Variants in MAP2K1 observed in about 807,000 individuals in gnomAD.
MAP2K1 encodes dual specificity mitogen-activated protein kinase kinase 1.
A neutral mutation model predicts 46.3 loss-of-function variants in MAP2K1; 16 were observed. The ratio of observed to expected loss-of-function variants is 0.35; its 90% CI spans 0.23 to 0.52. MAP2K1 has a LOEUF of 0.52. MAP2K1 is among the 20% of genes least tolerant of loss of function. MAP2K1 has a pLI of 0.94. For synonymous variants in MAP2K1, 183 were observed against 185.6 expected (o/e 0.99, Z 0.11); for missense variants, 263 against 497.1 (o/e 0.53, Z 4.48).
chr15:66,472,176 T>C (rs1892651630), intron 5 of MAP2K1, among the ~76,000 whole-genome samples: 1 of 151,120 alleles, frequency 6.6e-6, no homozygotes, highest in African/African-American at 2.4e-5. Context: ...TGGTGGTGGG[T>C]GCCTGTAGTC....
intron 1 of MAP2K1, among the ~76,000 whole-genome samples, chr15:66,413,001 T>G (rs1300589029): frequency 6.6e-6 from 1 of 152,156 alleles, no homozygotes; most frequent in African/African-American, 2.4e-5. Context: ...GTTCAAGCAA[T>G]TCTCGTGCCT....
chr15:66,478,300 C>T (rs979426310), intron 5 of MAP2K1, among the ~76,000 whole-genome samples: 1 of 141,578 alleles, frequency 7.1e-6, no homozygotes, highest in Non-Finnish European at 1.5e-5. Context: ...CTATATATAC[C>T]TGTATATATA....
chr15:66,482,243 CTT>C (rs1348516668), intron 6 of MAP2K1, among the ~76,000 whole-genome samples: 1 of 152,150 alleles, frequency 6.6e-6, no homozygotes, highest in Non-Finnish European at 1.5e-5. Context: ...ACTACCTCAC[CTT>C]CTCCTTTTCT....
chr15:66,423,076 C>G (rs531484304), intron 1 of MAP2K1, among the ~76,000 whole-genome samples: 1 of 152,140 alleles, frequency 6.6e-6, no homozygotes, highest in African/African-American at 2.4e-5. Context: ...ATTGGTATTA[C>G]AAGCATGAGC....
In MAP2K1 at chr15:66,436,731, TC is replaced by T. The variant is rs763136654; in HGVS notation, c.292-13del. 1.4e-5 allele frequency: 22 copies of T among 1,613,706 alleles called. No individual in the cohort carries two copies. The East Asian group carries it at 4.7e-4, about 34-fold the overall frequency. ...TTTCTTTCATAAAACCTCTCTTTCT[TC>T]CACCTTTCTCCAGCTAATTCATCTG... On this transcript the variant is annotated splice_polypyrimidine_tract_variant and intron_variant, in intron 2 of 10. Coordinates refer to ENST00000307102, the MANE Select transcript of MAP2K1 (RefSeq NM_002755.4).
chr15:66,445,322 G>A (rs868528657), intron 5 of MAP2K1, among the ~76,000 whole-genome samples: 1 of 152,136 alleles, frequency 6.6e-6, no homozygotes, highest in South Asian at 2.1e-4. Context: ...AACCTGGGAG[G>A]CGGAGGCTGT....
intron 1 of MAP2K1, among the ~76,000 whole-genome samples, chr15:66,422,956 G>GT (rs889964170): frequency 6.6e-6 from 1 of 150,998 alleles, no homozygotes; most frequent in Non-Finnish European, 1.5e-5. Flanking sequence ...TTTCTTTTTT[G>GT]TTTTTTTGTT....
chr15:66,411,585 A>G lies in MAP2K1; in HGVS notation c.81-23442A>G, dbSNP rs1334405397. On this transcript the variant is annotated intron_variant, in intron 1 of 10. Coordinates refer to ENST00000307102, the MANE Select transcript of MAP2K1 (RefSeq NM_002755.4). Reference sequence around the variant, plus strand: ...GAATGCCAATAATATTGGTTTTGCTATTGTCTTTTCCCTGCAGCTAATAAC... The same window carrying G: ...GAATGCCAATAATATTGGTTTTGCTGTTGTCTTTTCCCTGCAGCTAATAAC... Among the ~76,000 whole-genome samples the G allele has an allele frequency of 4.6e-5, 7 of 152,250 alleles. No homozygotes were observed. The East Asian group carries it at 9.6e-4, about 21-fold the overall frequency.
Position 66,420,827 on chromosome 15 carries a change from A to ATGTGTATATATATATGTGTATATATATG in MAP2K1, c.81-14187_81-14186insATGTGTATATATATGTGTGTATATATAT, listed in dbSNP as rs2093438475. Among the ~76,000 whole-genome samples the ATGTGTATATATATATGTGTATATATATG allele has an allele frequency of 2.8e-5, 2 of 70,288 alleles. 1 individual carries two copies. Among genetic ancestry groups the ATGTGTATATATATATGTGTATATATATG allele is most frequent in the African/African-American group, 7.7e-5 (2 of 26,062 alleles). 46.1% of individuals were successfully genotyped at this position (70,288 alleles called of 152,430 possible). ...TGTGTATATATATGTGTATATATAT[A>ATGTGTATATATATATGTGTATATATATG]TGTGTATATATATGTGTGTATATAT... On this transcript the variant is annotated intron_variant, in intron 1 of 10. Transcript: ENST00000307102.
At chr15:66,489,075 GA>G in intron 8 of MAP2K1, 139 bp from the exon 9 acceptor site, 1 of 728,492 alleles carries the variant, frequency 1.4e-6, no homozygotes. Context: ...TCCTTGACTG[GA>G]TGAGAGTAGT....
intron 9 of MAP2K1, 29 bp downstream of exon 9, chr15:66,489,305 G>A (rs745545485): frequency 2.4e-5 from 39 of 1,596,586 alleles, no homozygotes; most frequent in South Asian, 2.2e-4. Flanking sequence ...CTCTGGAAGC[G>A]TATACTCTGG....
intron 5 of MAP2K1, among the ~76,000 whole-genome samples, chr15:66,455,764 AGCAGGACTTCTTGG>A (rs1892150902): frequency 6.6e-6 from 1 of 152,194 alleles, no homozygotes. Context: ...GCCATAATGG[AGCAGGACTTCTTGG>A]GCAGAATAAG....
intron 7 of MAP2K1, 122 bp downstream of exon 7, chr15:66,485,313 C>A (rs1893011649): frequency 6.1e-6 from 6 of 981,514 alleles, no homozygotes; most frequent in Middle Eastern, 3.2e-4. Flanking sequence ...TCCCTGGATG[C>A]CAGGCTAGGG....
At chr15:66,425,379 C>G (rs1256633136) in intron 1 of MAP2K1, among the ~76,000 whole-genome samples, 1 of 151,006 alleles carries the variant, frequency 6.6e-6, no homozygotes, top group Non-Finnish European at 1.5e-5. Flanking sequence ...CTCAATTTAG[C>G]AGAATTTTTT....
At chr15:66,467,228 C>T (rs2140642447) in intron 5 of MAP2K1, among the ~76,000 whole-genome samples, 1 of 152,102 alleles carries the variant, frequency 6.6e-6, no homozygotes, top group South Asian at 2.1e-4. Flanking sequence ...GAGCGAAACT[C>T]CGTCTCAAAA....
At chr15:66,409,157 G>A (rs903376602) in intron 1 of MAP2K1, among the ~76,000 whole-genome samples, 23 of 152,052 alleles carry the variant, frequency 1.5e-4, no homozygotes, top group African/African-American at 5.3e-4. Context: ...TGAGGCATGT[G>A]GGATGTATGT....
chr15:66,475,839 T>A (rs1265550816), intron 5 of MAP2K1, among the ~76,000 whole-genome samples: 2 of 152,184 alleles, frequency 1.3e-5, no homozygotes, highest in Non-Finnish European at 2.9e-5. Context: ...ATGGTGACAA[T>A]CCCTGTGTCC....
At position 66,481,938 on chromosome 15, in the gene MAP2K1, T is replaced by C; in HGVS notation, c.693+59T>C. 2.5e-6 allele frequency: 4 copies of C among 1,586,330 alleles called. No homozygotes were observed. The South Asian group carries it at 4.5e-5, about 18-fold the overall frequency. On this transcript the variant is annotated intron_variant, in intron 6 of 10. Coordinates refer to ENST00000307102, the MANE Select transcript of MAP2K1 (RefSeq NM_002755.4). ...TGTACGGTCAGGGAGAGGAGCCCAG[T>C]GGGTGCCTTTCCTGTGGAGCCAGAG...
chr15:66,391,800 A>C (rs1210994207), intron 1 of MAP2K1, among the ~76,000 whole-genome samples: 1 of 151,944 alleles, frequency 6.6e-6, no homozygotes, highest in Admixed American at 6.6e-5. Flanking sequence ...ATTCTAAGAT[A>C]TTTATATGGT....
Sources: gnomAD v4.1 joint callset for allele counts (sites outside exome capture counted in the v4.1 genomes callset) on GRCh38, gnomAD v4.1.1 for gene constraint, MANE v1.5 for transcripts, NCBI Gene and HGNC (gene_info 2026-07-23, HGNC 2026-07-21) for gene names.